Variants in CTNNA1 observed in about 807,000 individuals in gnomAD.
CTNNA1 encodes the protein catenin alpha 1.
In CTNNA1, 37 loss-of-function variants were observed where a neutral mutation model predicts 98.4. That is an observed-to-expected ratio of 0.38 (90% CI 0.29 to 0.49). CTNNA1 has a LOEUF of 0.49. Ranked by LOEUF, CTNNA1 falls within the 20% of genes least tolerant of loss-of-function variation. The pLI, the probability that CTNNA1 is intolerant of heterozygous loss-of-function variation, is 0.95. For synonymous variants in CTNNA1, 404 were observed against 413.2 expected (o/e 0.98, Z 0.27); for missense variants, 761 against 1,147.2 (o/e 0.66, Z 4.86).
At chr5:138,857,454 G>A (rs1231716086) in intron 7 of CTNNA1, among the ~76,000 whole-genome samples, 1 of 151,958 alleles carries the variant, frequency 6.6e-6, no homozygotes. Context: ...CAAGCTCAAA[G>A]CTCATTTATC....
Position 138,815,506 on chromosome 5 carries a change from G to A in CTNNA1, c.588+3204G>A, listed in dbSNP as rs556746730. On this transcript the variant is annotated intron_variant, in intron 5 of 17. Coordinates refer to ENST00000302763, the MANE Select transcript of CTNNA1 (RefSeq NM_001903.5). ...TCTTTCCTGCTGGGTGCCCTGGGTT[G>A]CTAAAAGTGATGGCATTCTCTACAC... Among the ~76,000 whole-genome samples the A allele has an allele frequency of 1.1e-3, 162 of 152,176 alleles. No homozygotes were observed. Among genetic ancestry groups the A allele is most frequent in the Middle Eastern group, 3.4e-3 (1 of 294 alleles).
At chr5:138,921,074 A>G (rs1305772591) in intron 11 of CTNNA1, among the ~76,000 whole-genome samples, 1 of 152,216 alleles carries the variant, frequency 6.6e-6, no homozygotes, top group Non-Finnish European at 1.5e-5. Flanking sequence ...AAGCTATTCT[A>G]TCCCAAATGC....
At chr5:138,795,640 TCCAGGG>T (rs889891344) in intron 3 of CTNNA1, among the ~76,000 whole-genome samples, 27 of 152,138 alleles carry the variant, frequency 1.8e-4, no homozygotes, top group African/African-American at 6.5e-4. Flanking sequence ...ATTCATTAAA[TCCAGGG>T]CTGGATGTTT....
At chr5:138,868,462 G>T (rs1765006639) in intron 7 of CTNNA1, among the ~76,000 whole-genome samples, 1 of 152,176 alleles carries the variant, frequency 6.6e-6, no homozygotes, top group Non-Finnish European at 1.5e-5. Context: ...GGCATGGAAG[G>T]TGCTGCTGGG....
At chr5:138,782,426 G>A in intron 2 of CTNNA1, 1 of 393,308 alleles carries the variant, frequency 2.5e-6, no homozygotes, top group South Asian at 1.8e-5. Context: ...GAGGGTTTAG[G>A]TTTGGTATGC....
At chr5:138,765,426 C>T (rs998755528) in intron 1 of CTNNA1, among the ~76,000 whole-genome samples, 14 of 152,232 alleles carry the variant, frequency 9.2e-5, no homozygotes, top group African/African-American at 3.4e-4. Flanking sequence ...AAGTGATCCA[C>T]CAGCCTCTTC....
intron 7 of CTNNA1, among the ~76,000 whole-genome samples, chr5:138,862,432 T>G (rs1021781651): frequency 1.3e-5 from 2 of 152,202 alleles, no homozygotes; most frequent in Non-Finnish European, 2.9e-5. Context: ...TGTCCAAAGC[T>G]GAGACATCAA....
chr5:138,854,950 A>C (rs1324171787), intron 7 of CTNNA1, among the ~76,000 whole-genome samples: 1 of 152,226 alleles, frequency 6.6e-6, no homozygotes, highest in East Asian at 1.9e-4. Flanking sequence ...CATTTCAGAG[A>C]GAAAAAAATA....
intron 11 of CTNNA1, among the ~76,000 whole-genome samples, chr5:138,921,077 C>G (rs763896673): frequency 3.3e-5 from 5 of 152,158 alleles, no homozygotes; most frequent in Non-Finnish European, 7.4e-5. Context: ...CTATTCTATC[C>G]CAAATGCTGC....
intron 3 of CTNNA1, among the ~76,000 whole-genome samples, chr5:138,786,781 A>G (rs1286270882): frequency 6.6e-6 from 1 of 152,200 alleles, no homozygotes; most frequent in Non-Finnish European, 1.5e-5. Flanking sequence ...ACCTCCAGTC[A>G]AGTTTCAGAC....
chr5:138,873,029 T>C lies in CTNNA1; in HGVS notation c.1063-13183T>C. 6.2e-7 allele frequency: 1 copy of C among 1,607,264 alleles called. No homozygotes were observed. The highest frequency in any genetic ancestry group is 1.1e-5 in the South Asian group (1 of 89,834). On this transcript the variant is annotated intron_variant, in intron 7 of 17. Coordinates refer to ENST00000302763, the MANE Select transcript of CTNNA1 (RefSeq NM_001903.5). This position sits in a 1 kb window ranked among gnomAD's most constrained non-coding sequence, Gnocchi z 6.1. ...TAGATATTATACTTCACATTCTTTGTATGGCAGCTGCTGACACTTGCACTG... is the reference window on the plus strand; with the variant it reads ...TAGATATTATACTTCACATTCTTTGCATGGCAGCTGCTGACACTTGCACTG...
Position 138,753,434 on chromosome 5 carries a change from G to C in CTNNA1, c.-79G>C. On this transcript the variant is annotated 5_prime_UTR_variant, in exon 1 of 18. Coordinates refer to ENST00000302763, the MANE Select transcript of CTNNA1 (RefSeq NM_001903.5). ...TGGGGCGGCCCATTTCCTCCTCCTA[G>C]CCGGACTGGAGGGAGACAAAGCAGC... 2.7e-6 allele frequency: 1 copy of C among 373,046 alleles called. No individual in the cohort carries two copies. The highest frequency in any genetic ancestry group is 4.8e-6 in the Non-Finnish European group (1 of 209,564). The allele number at this position is 373,046 out of a possible 1,614,324, so 23.1% of individuals were successfully genotyped here. A position where few individuals can be genotyped will look rare whatever the true frequency, so the allele number is the denominator to read the frequency against.
At chr5:138,855,205 A>C (rs1281628534) in intron 7 of CTNNA1, among the ~76,000 whole-genome samples, 1 of 150,694 alleles carries the variant, frequency 6.6e-6, no homozygotes, top group South Asian at 2.1e-4. Context: ...CGCCCAGCTA[A>C]TTTTTGTATT....
rs951856780 is a variant in CTNNA1 at position 138,884,683 on chromosome 5, G to A, written c.1063-1529G>A. ...GTTTTAATGTTAGTGCTGGACAGTT[G>A]TGCCTGAATTCCAAAGGGAGGAGAG... On this transcript the variant is annotated intron_variant, in intron 7 of 17. Transcript: ENST00000302763. Among the ~76,000 whole-genome samples, 14 of 152,146 alleles carry A rather than the reference G, an allele frequency of 9.2e-5. 1 individual carries two copies. The highest frequency in any genetic ancestry group is 1.8e-4 in the Non-Finnish European group (12 of 68,024).
At chr5:138,807,561 A>G (rs1054339676) in intron 3 of CTNNA1, among the ~76,000 whole-genome samples, 6 of 152,058 alleles carry the variant, frequency 3.9e-5, no homozygotes, top group African/African-American at 1.2e-4. Flanking sequence ...TTAATGGTCA[A>G]ATCCATCTTT....
At chr5:138,894,641 CTGATTATGATTA>C (rs111801577) in intron 9 of CTNNA1, among the ~76,000 whole-genome samples, 3,263 of 150,868 alleles carry the variant, frequency 0.022, 104 homozygotes, top group African/African-American at 0.069. Context: ...TAGCAGCCTC[CTGATTATGATTA>C]TGATTATGAT....
intron 1 of CTNNA1, among the ~76,000 whole-genome samples, chr5:138,773,504 A>G (rs572744397): frequency 2.6e-5 from 4 of 152,314 alleles, no homozygotes; most frequent in South Asian, 2.1e-4. Context: ...GAAGGAAAAA[A>G]CAAAAACAAG....
intron 17 of CTNNA1, chr5:138,932,956 TG>T: frequency 2.6e-6 from 2 of 770,210 alleles, no homozygotes; most frequent in Non-Finnish European, 4.7e-6. Context: ...GGCCACTCAC[TG>T]GGTAGGAATT....
At chr5:138,858,042 T>C (rs952067125) in intron 7 of CTNNA1, among the ~76,000 whole-genome samples, 2 of 152,228 alleles carry the variant, frequency 1.3e-5, no homozygotes, top group African/African-American at 4.8e-5. Context: ...CTTACTGTTT[T>C]GATGCATTTC....
Sources: gnomAD v4.1 joint callset for allele counts (sites outside exome capture counted in the v4.1 genomes callset) on GRCh38, gnomAD v4.1.1 for gene constraint, Gnocchi (gnomAD v3.1) non-coding constraint, MANE v1.5 for transcripts, NCBI Gene and HGNC (gene_info 2026-07-23, HGNC 2026-07-21) for gene names.